The following EPS15 variants were observed in gnomAD, a reference collection of about 807,000 sequenced individuals.
EPS15 encodes the protein epidermal growth factor receptor substrate 15.
Under a neutral mutation model 113.8 loss-of-function variants are expected in EPS15, and 72 were observed. The ratio of observed to expected loss-of-function variants is 0.63; its 90% CI spans 0.52 to 0.77. EPS15 has a LOEUF of 0.77. EPS15 is among the 30% of genes least tolerant of loss of function. The probability of loss-of-function intolerance (pLI) is 0.00; values close to 1 mark genes in which losing one functional copy is unlikely to be tolerated. For missense variants in EPS15, 1,048 were observed against 1,045.8 expected, an observed-to-expected ratio of 1.00 and a Z score of -0.03; for synonymous variants, 344 against 363.4, an observed-to-expected ratio of 0.95 and a Z score of 0.61.
intron 12 of EPS15, 32 bp downstream of exon 12, chr1:51,440,314 TA>T: frequency 1.3e-6 from 1 of 793,804 alleles, no homozygotes; most frequent in Non-Finnish European, 2.2e-6. Context: ...TGTGTGTGTG[TA>T]TGTGAGTAGG....
chr1:51,412,978 G>A (rs1175392777), intron 13 of EPS15, among the ~76,000 whole-genome samples: 2 of 152,122 alleles, frequency 1.3e-5, no homozygotes, highest in Admixed American at 1.3e-4. Context: ...TAAAATATGT[G>A]TTGTTCCCTC....
intron 1 of EPS15, among the ~76,000 whole-genome samples, chr1:51,505,626 C>T (rs571875120): frequency 8.5e-4 from 130 of 152,150 alleles, no homozygotes; most frequent in African/African-American, 3.1e-3. Context: ...CTAAAAACCA[C>T]TGAATTGTAC....
At chr1:51,400,395 T>A (rs902902627) in intron 19 of EPS15, among the ~76,000 whole-genome samples, 8 of 152,012 alleles carry the variant, frequency 5.3e-5, no homozygotes, top group Non-Finnish European at 1.0e-4. Context: ...ATGTCATTTT[T>A]AAAAAAGTAA....
intron 7 of EPS15, 47 bp from the exon 8 acceptor site, chr1:51,461,197 T>C (rs372768579): frequency 1.2e-5 from 16 of 1,356,744 alleles, no homozygotes; most frequent in Middle Eastern, 1.8e-4. Context: ...TTTCAGTTCA[T>C]GTTCTACTCG....
At chr1:51,440,277 CTG>C (rs3040220) in intron 12 of EPS15, 68 bp downstream of exon 12, 47,633 of 438,942 alleles carry the variant, frequency 0.11, 354 homozygotes, top group Middle Eastern at 0.15. Flanking sequence ...TATACATGTA[CTG>C]TGTGTGTGTG....
chr1:51,512,591 C>A (rs1273019141), intron 1 of EPS15, among the ~76,000 whole-genome samples: 2 of 151,376 alleles, frequency 1.3e-5, no homozygotes, highest in African/African-American at 2.4e-5. Context: ...AGAAAGAAGA[C>A]AAACAGCCCA....
At chr1:51,417,549 T>C (rs1022965091) in intron 13 of EPS15, among the ~76,000 whole-genome samples, 1 of 152,230 alleles carries the variant, frequency 6.6e-6, no homozygotes, top group Non-Finnish European at 1.5e-5. Flanking sequence ...TATTGGAAGC[T>C]ATACACATCA....
intron 1 of EPS15, among the ~76,000 whole-genome samples, chr1:51,510,921 T>G (rs943403633): frequency 6.6e-6 from 1 of 152,090 alleles, no homozygotes; most frequent in African/African-American, 2.4e-5. Flanking sequence ...TCCCAAGCAA[T>G]TTGGGAGGCT....
intron 22 of EPS15, among the ~76,000 whole-genome samples, chr1:51,364,328 G>A (rs1646458110): frequency 6.6e-6 from 1 of 152,080 alleles, no homozygotes; most frequent in African/African-American, 2.4e-5. Context: ...AAAACCACCT[G>A]AGGCCCATTT....
chr1:51,421,893 G>T (rs1650791439), intron 12 of EPS15, 35 bp from the exon 13 acceptor site: 1 of 1,609,690 alleles, frequency 6.2e-7, no homozygotes, highest in East Asian at 2.2e-5. Context: ...GAATATTTTA[G>T]AACATCAGCT....
chr1:51,483,800 A>C (rs1413334338), intron 1 of EPS15, among the ~76,000 whole-genome samples: 4 of 149,276 alleles, frequency 2.7e-5, no homozygotes, highest in African/African-American at 9.9e-5. Flanking sequence ...GCAAGACTCC[A>C]CCTAAAAAAA....
chr1:51,463,713 A>G lies in EPS15; in HGVS notation c.461T>C (p.Val154Ala). 1 of 1,599,992 alleles carries G rather than the reference A, an allele frequency of 6.3e-7. No homozygotes were observed. Among genetic ancestry groups the G allele is most frequent in the South Asian group, 1.1e-5 (1 of 90,586 alleles). Residue 154 changes from valine to alanine, a missense_variant, in exon 7 of 25, where the codon GTG becomes GCG. Transcript: ENST00000371733. ...CACAGGTAACTTAGAGTTGAGCAACACTGGTTTCACTTTATCACCAGACAG... is the reference window on the plus strand; with the variant it reads ...CACAGGTAACTTAGAGTTGAGCAACGCTGGTTTCACTTTATCACCAGACAG... ...GFLSGDKVKPVLLNSKLPVDI... is the reference protein window; with the variant it reads ...GFLSGDKVKPALLNSKLPVDI...
At chr1:51,462,055 CT>C (rs778191151) in intron 7 of EPS15, 1 of 152,288 alleles carries the variant, frequency 6.6e-6, no homozygotes, top group Admixed American at 6.5e-5. Context: ...ATGTAATCTG[CT>C]GAAGCAGGTA....
intron 1 of EPS15, among the ~76,000 whole-genome samples, chr1:51,508,282 A>AAGAGAG: frequency 7.0e-6 from 1 of 142,284 alleles, no homozygotes; most frequent in East Asian, 2.0e-4. Flanking sequence ...GAAAGAGAGA[A>AAGAGAG]AGAGAGAAAG....
rs142531232 is a variant in EPS15 at position 51,386,493 on chromosome 1, G to A, written c.2119+7888C>T. The stretch of plus-strand genomic sequence containing the variant: ...GAAAATCCGCTGTTCTGCAGCCACC[G>A]CTGCTGATACCCAGGCAAACAGGGT... On this transcript the variant is annotated intron_variant, in intron 21 of 24. Transcript: ENST00000371733. 1.8e-3 allele frequency among the ~76,000 whole-genome samples: 268 copies of A among 152,262 alleles called. 2 individuals are homozygous for A. The highest frequency in any genetic ancestry group is 6.0e-3 in the African/African-American group (251 of 41,548).
At chr1:51,512,980 C>T (rs1644652436) in intron 1 of EPS15, among the ~76,000 whole-genome samples, 1 of 151,650 alleles carries the variant, frequency 6.6e-6, no homozygotes, top group Non-Finnish European at 1.5e-5. Context: ...GGGCACACAC[C>T]ACCATGCCCA....
chr1:51,404,057 T>C (rs1648849996), intron 16 of EPS15, among the ~76,000 whole-genome samples: 1 of 152,080 alleles, frequency 6.6e-6, no homozygotes, highest in African/African-American at 2.4e-5. Context: ...TAAGAAGTAG[T>C]AGGGGCAGGC....
rs1412858158 is a variant in EPS15 at position 51,448,050 on chromosome 1, T to C, written c.647A>G (p.Lys216Arg). Residue 216 changes from lysine to arginine, a missense_variant, in exon 9 of 25, where the codon AAA (lysine) becomes AGA (arginine). Coordinates refer to ENST00000371733, the MANE Select transcript of EPS15 (RefSeq NM_001981.3). ...CACAGAGCCTGATATACTGACCGTT[T>C]TTCTCTTAGATGGTGGCACCAAGGC... The part of the protein sequence containing the change: ...PPALVPPSKR[K>R]TWVVSPAEKA... The C allele has an allele frequency of 1.2e-6, 2 of 1,613,736 alleles. No individual in the cohort carries two copies. Among genetic ancestry groups the C allele is most frequent in the Admixed American group, 1.7e-5 (1 of 59,994 alleles).
chr1:51,441,265 CTCT>C (rs1652578867), intron 11 of EPS15, among the ~76,000 whole-genome samples: 2 of 152,080 alleles, frequency 1.3e-5, no homozygotes, highest in East Asian at 3.8e-4. Flanking sequence ...TTATAATTAA[CTCT>C]TCAACAGAAT....
Sources: allele counts gnomAD v4.1 joint callset (sites outside exome capture counted in the v4.1 genomes callset), GRCh38; gene constraint gnomAD v4.1.1; transcripts MANE v1.5; gene names NCBI Gene and HGNC (gene_info 2026-07-23, HGNC 2026-07-21).